PCCB: variants seen among roughly 807,000 people sequenced by gnomAD.
PCCB encodes propionyl-CoA carboxylase beta chain, mitochondrial.
In PCCB, 43 loss-of-function variants were observed where a neutral mutation model predicts 60.7. The ratio of observed to expected loss-of-function variants is 0.71; its 90% CI spans 0.55 to 0.91. PCCB has a LOEUF of 0.91. Ranked by LOEUF, PCCB falls within the 40% of genes least tolerant of loss-of-function variation. PCCB has a pLI of 0.00. For missense variants in PCCB, 766 were observed against 702.8 expected (o/e 1.09, Z -1.02); for synonymous variants, 276 against 255.9 (o/e 1.08, Z -0.75).
intron 14 of PCCB, among the ~76,000 whole-genome samples, chr3:136,329,275 G>A (rs889439278): frequency 2.6e-5 from 4 of 152,262 alleles, no homozygotes; most frequent in South Asian, 4.1e-4. Flanking sequence ...TGGCTTGACC[G>A]GGGCTTGACA....
At chr3:136,297,635 C>T (rs1296893042) in intron 7 of PCCB, among the ~76,000 whole-genome samples, 1 of 152,100 alleles carries the variant, frequency 6.6e-6, no homozygotes, top group Admixed American at 6.5e-5. Flanking sequence ...AGAACTCCCG[C>T]ATGGTATAGG....
At chr3:136,316,747 C>T (rs1005869080) in intron 9 of PCCB, among the ~76,000 whole-genome samples, 194 bp from the exon 10 acceptor site, 1 of 151,992 alleles carries the variant, frequency 6.6e-6, no homozygotes, top group African/African-American at 2.4e-5. Flanking sequence ...TGAGGTTTTC[C>T]ACACCATTTC....
chr3:136,272,466 C>T (rs1433235298), intron 5 of PCCB, among the ~76,000 whole-genome samples: 4 of 152,060 alleles, frequency 2.6e-5, no homozygotes. Context: ...TGGAATTCAA[C>T]TGTGATCCAT....
chr3:136,305,451 T>TA lies in PCCB; in HGVS notation c.966+4347dup, dbSNP rs1231183538. Among the ~76,000 whole-genome samples, 2 of 121,094 alleles carry TA rather than the reference T, an allele frequency of 1.7e-5. 1 individual carries two copies. Among genetic ancestry groups the TA allele is most frequent in the Admixed American group, 2.0e-4 (2 of 10,092 alleles). 79.4% of individuals were successfully genotyped at this position (121,094 alleles called of 152,430 possible). On this transcript the variant is annotated intron_variant, in intron 9 of 14. Transcript: ENST00000251654. Reference sequence around the variant, plus strand: ...TATTACACTTTTTTATTTTGCTTTTTAAAAAAACTTCTTCTGGCCGGGCGT... The same window carrying TA: ...TATTACACTTTTTTATTTTGCTTTTTAAAAAAAACTTCTTCTGGCCGGGCGT...
intron 14 of PCCB, among the ~76,000 whole-genome samples, 170 bp from the exon 15 acceptor site, chr3:136,329,735 G>C (rs942467770): frequency 6.6e-6 from 1 of 152,134 alleles, no homozygotes; most frequent in Non-Finnish European, 1.5e-5. Context: ...GTCAGAACAG[G>C]CCAGCTCCTG....
chr3:136,327,050 G>T, intron 11 of PCCB, 105 bp from the exon 12 acceptor site: 5 of 1,193,174 alleles, frequency 4.2e-6, no homozygotes, highest in Non-Finnish European at 6.3e-6. Context: ...ATAGGGCTGT[G>T]TAAGGAATGG....
At chr3:136,312,133 A>T (rs766698528) in intron 9 of PCCB, among the ~76,000 whole-genome samples, 1 of 152,248 alleles carries the variant, frequency 6.6e-6, no homozygotes, top group Non-Finnish European at 1.5e-5. Context: ...TCAAGTACAT[A>T]CAGAATTTTA....
At chr3:136,260,688 T>A (rs950948434) in intron 4 of PCCB, among the ~76,000 whole-genome samples, 153 bp downstream of exon 4, 1 of 152,158 alleles carries the variant, frequency 6.6e-6, no homozygotes, top group African/African-American at 2.4e-5. Flanking sequence ...GCATAACAAT[T>A]TTCGTACCAT....
chr3:136,252,662 A>ATTTT (rs962722858), intron 1 of PCCB, among the ~76,000 whole-genome samples: 4 of 120,904 alleles, frequency 3.3e-5, no homozygotes, highest in South Asian at 2.6e-4. Context: ...TACCCAGCTA[A>ATTTT]TTTTTTTTTT....
chr3:136,268,096 A>ATATATATG (rs1942072457), intron 5 of PCCB, among the ~76,000 whole-genome samples: 4 of 106,554 alleles, frequency 3.8e-5, no homozygotes, highest in African/African-American at 1.4e-4. Context: ...AGATATATAT[A>ATATATATG]TATATATATA....
At chr3:136,276,251 G>A (rs768939173) in intron 5 of PCCB, among the ~76,000 whole-genome samples, 35 of 152,200 alleles carry the variant, frequency 2.3e-4, no homozygotes, top group Admixed American at 2.1e-3. Context: ...CAGTAGGGGA[G>A]CTGTCCCTGG....
chr3:136,286,144 A>G (rs1209383399), intron 6 of PCCB, among the ~76,000 whole-genome samples: 1 of 152,234 alleles, frequency 6.6e-6, no homozygotes, highest in African/African-American at 2.4e-5. Flanking sequence ...GAATTGATAC[A>G]TAGATCTATA....
intron 5 of PCCB, among the ~76,000 whole-genome samples, chr3:136,281,099 C>T (rs760289434): frequency 5.3e-5 from 8 of 152,074 alleles, no homozygotes; most frequent in East Asian, 1.9e-4. Flanking sequence ...AATATGTCTC[C>T]GTGTAGATCT....
At chr3:136,326,566 T>G (rs1186071695) in intron 10 of PCCB, among the ~76,000 whole-genome samples, 3 of 152,160 alleles carry the variant, frequency 2.0e-5, no homozygotes, top group Non-Finnish European at 2.9e-5. Context: ...AGCCCTTTGG[T>G]CTGTAGTGAG....
chr3:136,263,254 G>GTCT (rs1553775043), intron 5 of PCCB, among the ~76,000 whole-genome samples: 2 of 125,940 alleles, frequency 1.6e-5, no homozygotes, highest in Non-Finnish European at 3.2e-5. Context: ...CGCCCAGCTG[G>GTCT]TTTTTTTTTT....
rs2108137296 is a variant in PCCB at position 136,255,874 on chromosome 3, G to A, written c.202G>A (p.Glu68Lys). 6.2e-7 allele frequency: 1 copy of A among 1,614,048 alleles called. No homozygotes were observed. The highest frequency in any genetic ancestry group is 8.5e-7 in the Non-Finnish European group (1 of 1,179,936). Residue 68 changes from glutamate (E) to lysine (K), a missense_variant, in exon 2 of 15, where the codon GAG becomes AAG. By Grantham distance (56) the Glu-to-Lys change is moderately conservative. Transcript: ENST00000251654. ...ATTGTAGGGAAAGCTAACAGCCAGG[G>A]AGAGGATCAGTCTCTTGCTGGACCC... ...QHKRGKLTAR[E>K]RISLLLDPGS... is the part of the protein sequence containing the mutation.
intron 6 of PCCB, 124 bp from the exon 7 acceptor site, chr3:136,293,632 A>G (rs1933800683): frequency 3.9e-6 from 3 of 773,816 alleles, no homozygotes; most frequent in Non-Finnish European, 4.7e-6. Context: ...TTTAAGCTAC[A>G]TCCTATCCTC....
At chr3:136,295,961 T>C in intron 7 of PCCB, among the ~76,000 whole-genome samples, 1 of 152,206 alleles carries the variant, frequency 6.6e-6, no homozygotes, top group African/African-American at 2.4e-5. Context: ...TATGTGGTTT[T>C]CTTTCTGGGC....
rs145698008 is a variant in PCCB at position 136,269,822 on chromosome 3, C to T, written c.543+7757C>T. ...AATGCCGTGAACCCGGGAGGCGGAG[C>T]CTGTAGTGAGCCGAGATCGTGCTAC... On this transcript the variant is annotated intron_variant, in intron 5 of 14. Transcript: ENST00000251654. Among the ~76,000 whole-genome samples, 258 of 149,344 alleles carry T rather than the reference C, an allele frequency of 1.7e-3. 5 individuals carry two copies. The East Asian group carries it at 0.046, about 27-fold the overall frequency.
Sources: gnomAD v4.1 joint callset for allele counts (sites outside exome capture counted in the v4.1 genomes callset) on GRCh38, gnomAD v4.1.1 for gene constraint, MANE v1.5 for transcripts, NCBI Gene and HGNC (gene_info 2026-07-23, HGNC 2026-07-21) for gene names.